Variants in ZSCAN1 observed in about 807,000 individuals in gnomAD.
ZSCAN1 encodes the protein zinc finger and SCAN domain-containing protein 1.
In ZSCAN1, 23 loss-of-function variants were observed where a neutral mutation model predicts 23.8. The observed-to-expected ratio is 0.97, with a 90% CI of 0.70 to 1.37. ZSCAN1 has a LOEUF of 1.37. Among genes scored for constraint, ZSCAN1 ranks in the 40% most tolerant of loss-of-function variants. The pLI is 0.00. For missense variants in ZSCAN1, 575 were observed against 554.0 expected (o/e 1.04, Z -0.38); for synonymous variants, 236 against 232.3 (o/e 1.02, Z -0.15).
intron 4 of ZSCAN1, chr19:58,046,638 T>C: frequency 3.5e-6 from 3 of 867,552 alleles, no homozygotes; most frequent in Non-Finnish European, 6.0e-6. Context: ...TCAAGGTGAT[T>C]GAGCTGGTGG....
At chr19:58,036,798 T>G (rs1370989342) in intron 2 of ZSCAN1, among the ~76,000 whole-genome samples, 1 of 152,164 alleles carries the variant, frequency 6.6e-6, no homozygotes, top group Non-Finnish European at 1.5e-5. Flanking sequence ...GCAATTCTCC[T>G]GCCTCAGCCT....
Position 58,045,525 on chromosome 19 carries a change from G to A in ZSCAN1, c.465+4981G>A, listed in dbSNP as rs530304114. The A allele has an allele frequency of 7.2e-6, 10 of 1,388,208 alleles. No individual in the cohort carries two copies. Among genetic ancestry groups the A allele is most frequent in the South Asian group, 6.9e-5 (6 of 86,586 alleles). 86.0% of individuals were successfully genotyped at this position (1,388,208 alleles called of 1,614,324 possible). On this transcript the variant is annotated intron_variant, in intron 4 of 5. Transcript: ENST00000282326. The surrounding 1 kb of genome is among the most constrained non-coding windows in gnomAD (Gnocchi z 4.3). Reference sequence around the variant, plus strand: ...GGGTTTTTCCAAATTATTTGAGGATGAGCTGACCCTTGACAACCTGACACG... The same window carrying A: ...GGGTTTTTCCAAATTATTTGAGGATAAGCTGACCCTTGACAACCTGACACG...
intron 1 of ZSCAN1, 64 bp downstream of exon 1, chr19:58,034,225 G>C (rs2073715480): frequency 6.6e-6 from 1 of 151,226 alleles, no homozygotes; most frequent in African/African-American, 2.4e-5. Context: ...CGCCCACCCG[G>C]GAGGGTCTCG....
intron 4 of ZSCAN1, chr19:58,044,802 T>C (rs1366699243): frequency 2.1e-5 from 15 of 728,060 alleles, no homozygotes; most frequent in South Asian, 1.2e-4. Flanking sequence ...ACCTCAGCTG[T>C]TGGACTCTGA....
chr19:58,047,867 C>G lies in ZSCAN1; in HGVS notation c.466-4623C>G, dbSNP rs1389325818. Among the ~76,000 whole-genome samples the G allele has an allele frequency of 6.6e-6, 1 of 152,234 alleles. No individual in the cohort carries two copies. Among genetic ancestry groups the G allele is most frequent in the Non-Finnish European group, 1.5e-5 (1 of 68,042 alleles). On this transcript the variant is annotated intron_variant, in intron 4 of 5. Transcript: ENST00000282326. The surrounding 1 kb of genome is among the most constrained non-coding windows in gnomAD (Gnocchi z 4.9). ...GGTGGGGTGGCCTCCCTGCACTCGGCAGCATGGTCGGGCTGGCGAGGGCGT... is the reference window on the plus strand; with the variant it reads ...GGTGGGGTGGCCTCCCTGCACTCGGGAGCATGGTCGGGCTGGCGAGGGCGT...
At chr19:58,055,558 A>G (rs2073885350), downstream of ZSCAN1, among the ~76,000 whole-genome samples, 2 of 152,060 alleles carry the variant, frequency 1.3e-5, no homozygotes, top group African/African-American at 2.4e-5. Context: ...AGAGCTCAGG[A>G]TGGAGGGTGG....
chr19:58,056,167 T>C (rs559283865), downstream of ZSCAN1, among the ~76,000 whole-genome samples: 2 of 152,226 alleles, frequency 1.3e-5, no homozygotes, highest in Admixed American at 6.5e-5. Context: ...CTCTGCCCCA[T>C]CCCCATCCTG....
intron 4 of ZSCAN1, chr19:58,046,353 A>T: frequency 1.1e-6 from 1 of 937,880 alleles, no homozygotes; most frequent in South Asian, 1.3e-5. Context: ...GTGAAGAAAA[A>T]TACATGGAAG....
At chr19:58,036,981 G>A (rs2123417558) in intron 2 of ZSCAN1, among the ~76,000 whole-genome samples, 1 of 152,214 alleles carries the variant, frequency 6.6e-6, no homozygotes, top group South Asian at 2.1e-4. Context: ...ACGGCACCCG[G>A]CCACAAAAGG....
chr19:58,054,939 A>T (rs2073882093), downstream of ZSCAN1, among the ~76,000 whole-genome samples: 1 of 152,048 alleles, frequency 6.6e-6, no homozygotes, highest in Non-Finnish European at 1.5e-5. The surrounding 1 kb of genome is among the most constrained non-coding windows in gnomAD (Gnocchi z 4.2). Context: ...GTCTCCAAAG[A>T]GTGGGCCCGC....
At chr19:58,039,373 G>C (rs1331371313) in intron 3 of ZSCAN1, among the ~76,000 whole-genome samples, 3 of 152,134 alleles carry the variant, frequency 2.0e-5, no homozygotes, top group South Asian at 4.2e-4. Flanking sequence ...TTGAGCAAAG[G>C]GCTCTCTATC....
In ZSCAN1 at chr19:58,049,240, T is replaced by C. The variant is rs1407010505; in HGVS notation, c.466-3250T>C. 6.5e-6 allele frequency: 1 copy of C among 152,850 alleles called. No homozygotes were observed. The highest frequency in any genetic ancestry group is 6.5e-5 in the Admixed American group (1 of 15,280). 9.5% of individuals were successfully genotyped at this position (152,850 alleles called of 1,614,324 possible). A position where few individuals can be genotyped will look rare whatever the true frequency, so the allele number is the denominator to read the frequency against. On this transcript the variant is annotated intron_variant, in intron 4 of 5. Coordinates refer to ENST00000282326, the MANE Select transcript of ZSCAN1 (RefSeq NM_182572.4). This position sits in a 1 kb window ranked among gnomAD's most constrained non-coding sequence, Gnocchi z 4.5. ...TCCTGTTCTTTCCGTTCCAAGGCCTTAAGAGCACTAGCAGCGTTTTCCAAA... is the reference window on the plus strand; with the variant it reads ...TCCTGTTCTTTCCGTTCCAAGGCCTCAAGAGCACTAGCAGCGTTTTCCAAA...
chr19:58,052,422 T>G, intron 4 of ZSCAN1, 68 bp from the exon 5 acceptor site: 1 of 1,609,614 alleles, frequency 6.2e-7, no homozygotes, highest in Non-Finnish European at 8.5e-7. Context: ...TCCTTGGTTG[T>G]TCGGTGGTGG....
Position 58,037,732 on chromosome 19 carries a change from CT to C in ZSCAN1, c.-104del. The C allele has an allele frequency of 2.2e-6, 3 of 1,378,892 alleles. No individual in the cohort carries two copies. Among genetic ancestry groups the C allele is most frequent in the East Asian group, 5.4e-5 (2 of 37,082 alleles). 85.4% of individuals were successfully genotyped at this position (1,378,892 alleles called of 1,614,324 possible). On this transcript the variant is annotated 5_prime_UTR_variant, in exon 3 of 6. The change abolishes the stop of an existing upstream ORF in the 5' untranslated region. Coordinates refer to ENST00000282326, the MANE Select transcript of ZSCAN1 (RefSeq NM_182572.4). ...TGTCCCTGCCCCTCTCTGCAGGCCC[CT>C]GATTGCTGATTCTGTCCGCCTGCCA...
chr19:58,046,869 G>T (rs542427998), intron 4 of ZSCAN1: 2 of 622,204 alleles, frequency 3.2e-6, no homozygotes, highest in Middle Eastern at 4.6e-4. Flanking sequence ...CTAATACTTT[G>T]GCTGGAATAA....
chr19:58,039,754 G>A (rs1041786109), intron 3 of ZSCAN1, among the ~76,000 whole-genome samples: 2 of 125,494 alleles, frequency 1.6e-5, no homozygotes, highest in African/African-American at 3.0e-5. Flanking sequence ...CTGGGCGACA[G>A]AGCGAGACTC....
At position 58,049,108 on chromosome 19, in the gene ZSCAN1, C is replaced by A; in HGVS notation, c.466-3382C>A. On this transcript the variant is annotated intron_variant, in intron 4 of 5. Transcript: ENST00000282326. The surrounding 1 kb of genome is among the most constrained non-coding windows in gnomAD (Gnocchi z 4.5). ...TCTTTAGTTAGTTCTTCAGAAGTAG[C>A]TGGGCTCAATCCACCCACGAAAACC... 1 of 157,696 alleles carries A rather than the reference C, an allele frequency of 6.3e-6. No individual in the cohort carries two copies. The allele number at this position is 157,696 out of a possible 1,614,324, so 9.8% of individuals were successfully genotyped here. A position where few individuals can be genotyped will look rare whatever the true frequency, so the allele number is the denominator to read the frequency against.
chr19:58,036,236 G>C (rs1294978755), intron 2 of ZSCAN1, among the ~76,000 whole-genome samples: 1 of 152,178 alleles, frequency 6.6e-6, no homozygotes, highest in Non-Finnish European at 1.5e-5. Context: ...ACGTTCAACT[G>C]TTGGGCACTT....
chr19:58,054,783 A>T (rs551522869), downstream of ZSCAN1, among the ~76,000 whole-genome samples: 1 of 152,200 alleles, frequency 6.6e-6, no homozygotes, highest in African/African-American at 2.4e-5. This position sits in a 1 kb window ranked among gnomAD's most constrained non-coding sequence, Gnocchi z 4.2. Context: ...GTCTCTGAGG[A>T]TTTCAGGCGC....
Sources: gnomAD v4.1 joint callset for allele counts (sites outside exome capture counted in the v4.1 genomes callset) on GRCh38, gnomAD v4.1.1 for gene constraint, Gnocchi (gnomAD v3.1) non-coding constraint, MANE v1.5 for transcripts, NCBI Gene and HGNC (gene_info 2026-07-23, HGNC 2026-07-21) for gene names.